Variants in TENM4 observed in about 807,000 individuals in gnomAD.
The protein encoded by TENM4 is teneurin-4.
Under a neutral mutation model 243.3 loss-of-function variants are expected in TENM4, and 82 were observed. The ratio of observed to expected loss-of-function variants is 0.34; its 90% CI spans 0.28 to 0.40. The LOEUF (loss-of-function observed/expected upper bound fraction) is 0.40. Ranked by LOEUF, TENM4 falls within the 10% of genes least tolerant of loss-of-function variation. TENM4 has a pLI of 1.00. For missense variants in TENM4, 3,138 were observed against 3,673.3 expected (o/e 0.85, Z 3.77); for synonymous variants, 1,412 against 1,456.3 (o/e 0.97, Z 0.69).
At chr11:78,913,826 T>G (rs1294872333) in intron 6 of TENM4, among the ~76,000 whole-genome samples, 1 of 152,180 alleles carries the variant, frequency 6.6e-6, no homozygotes, top group Non-Finnish European at 1.5e-5. Flanking sequence ...CAGTAGAGGC[T>G]GATCCTTCTC....
At chr11:79,037,460 G>A (rs1164218255) in intron 6 of TENM4, among the ~76,000 whole-genome samples, 1 of 152,188 alleles carries the variant, frequency 6.6e-6, no homozygotes, top group Non-Finnish European at 1.5e-5. Context: ...GAATGAAAGA[G>A]CCAGGATTTC....
chr11:79,379,495 G>C (rs1053422430), intron 1 of TENM4, among the ~76,000 whole-genome samples: 1 of 152,168 alleles, frequency 6.6e-6, no homozygotes, highest in African/African-American at 2.4e-5. Context: ...ACTGGATCAG[G>C]GTGGTCCAAT....
chr11:78,730,302 T>C (rs1183807078), intron 21 of TENM4, among the ~76,000 whole-genome samples: 2 of 152,220 alleles, frequency 1.3e-5, no homozygotes, highest in African/African-American at 4.8e-5. Flanking sequence ...CTCTCAAAAC[T>C]TTCCTCAAAT....
At chr11:78,732,190 C>CTGATGGGACCTGACCCAATGCATAAT in intron 21 of TENM4, 126 bp downstream of exon 21, 4 of 1,332,718 alleles carry the variant, frequency 3.0e-6, no homozygotes, top group Non-Finnish European at 4.0e-6. Context: ...TTTTGCATAA[C>CTGATGGGACCTGACCCAATGCATAAT]AGGCTGATGG....
intron 23 of TENM4, among the ~76,000 whole-genome samples, chr11:78,723,509 G>A (rs1001912199): frequency 2.6e-5 from 4 of 152,194 alleles, no homozygotes; most frequent in African/African-American, 4.8e-5. Flanking sequence ...GTCAAGAAGC[G>A]ACAGGCTTTT....
intron 3 of TENM4, among the ~76,000 whole-genome samples, chr11:79,176,836 A>T (rs1172282871): frequency 6.6e-6 from 1 of 152,244 alleles, no homozygotes; most frequent in African/African-American, 2.4e-5. Context: ...CACAGACCAA[A>T]GAATGCATCT....
At chr11:79,112,020 A>G (rs1313325231) in intron 4 of TENM4, among the ~76,000 whole-genome samples, 3 of 152,146 alleles carry the variant, frequency 2.0e-5, no homozygotes, top group Non-Finnish European at 4.4e-5. Flanking sequence ...GTGGGGGCAG[A>G]GAGAGGAAGG....
chr11:79,098,605 C>G (rs1861146068), intron 4 of TENM4, among the ~76,000 whole-genome samples: 2 of 152,200 alleles, frequency 1.3e-5, no homozygotes, highest in South Asian at 4.1e-4. Context: ...CTCATGCACA[C>G]CTGTACGGAA....
intron 6 of TENM4, among the ~76,000 whole-genome samples, chr11:78,966,757 C>T (rs758608090): frequency 1.3e-5 from 2 of 152,170 alleles, no homozygotes; most frequent in Non-Finnish European, 2.9e-5. Context: ...TGGTCTTCAG[C>T]AATCTGTCTC....
At position 78,732,364 on chromosome 11, in the gene TENM4, G is replaced by T; in HGVS notation, c.3090C>A (p.Ser1030=). 1 of 1,613,786 alleles carries T rather than the reference G, an allele frequency of 6.2e-7. No homozygotes were observed. The highest frequency in any genetic ancestry group is 8.5e-7 in the Non-Finnish European group (1 of 1,179,712). Reference sequence around the variant, plus strand: ...CTTTCTCTGCACAGGAGCTGGCGAAGGACGTCAGTGGGGATGGAGAGACGA... The same window carrying T: ...CTTTCTCTGCACAGGAGCTGGCGAATGACGTCAGTGGGGATGGAGAGACGA... ...NPVVSPSPLT[S]FASSCAEKGP... is the part of the protein sequence containing the mutation. The change falls in exon 21 of 34, where the codon TCC becomes TCA. Residue 1030 remains serine (S), a synonymous_variant. Transcript: ENST00000278550.
chr11:78,837,488 C>G (rs1858143713), intron 12 of TENM4, among the ~76,000 whole-genome samples: 1 of 152,204 alleles, frequency 6.6e-6, no homozygotes, highest in South Asian at 2.1e-4. Context: ...CCATCAGAAT[C>G]TTTGAAGCAC....
At chr11:79,065,769 G>A (rs1371129957) in intron 5 of TENM4, among the ~76,000 whole-genome samples, 1 of 152,216 alleles carries the variant, frequency 6.6e-6, no homozygotes, top group African/African-American at 2.4e-5. Context: ...GGCAGGCCTG[G>A]CAATGCCTAG....
intron 2 of TENM4, among the ~76,000 whole-genome samples, chr11:79,294,964 A>C (rs1456931776): frequency 6.6e-6 from 1 of 152,182 alleles, no homozygotes; most frequent in Non-Finnish European, 1.5e-5. Context: ...TGTAGACCAC[A>C]AACACTGGCT....
chr11:78,980,662 G>A (rs1273574011), intron 6 of TENM4, among the ~76,000 whole-genome samples: 4 of 152,148 alleles, frequency 2.6e-5, no homozygotes, highest in East Asian at 1.9e-4. Context: ...CTGAATCCTC[G>A]CTCCACCACT....
chr11:78,658,438 C>G lies in TENM4; in HGVS notation c.7930G>C (p.Gly2644Arg). 1 of 1,613,878 alleles carries G rather than the reference C, an allele frequency of 6.2e-7. No individual in the cohort carries two copies. The highest frequency in any genetic ancestry group is 8.5e-7 in the Non-Finnish European group (1 of 1,179,858). ...ATCTGGGACACAGTGACGTTGACCC[C>G]ATTCTCCAGGGTTCGCCGCCCCCCA... ...LSGGRRTLEN[G>R]VNVTVSQINT... is the part of the protein sequence containing the mutation. Residue 2644 changes from glycine (G) to arginine (R), a missense_variant, in exon 34 of 34, where the codon GGG becomes CGG. This residue lies in a region of TENM4 where 2,467 missense variants were observed against 3,059.1 expected (regional missense o/e 0.81). Transcript: ENST00000278550.
chr11:79,311,352 G>A (rs1410948377), intron 1 of TENM4, among the ~76,000 whole-genome samples: 1 of 152,186 alleles, frequency 6.6e-6, no homozygotes, highest in African/African-American at 2.4e-5. Flanking sequence ...AGGTCAGGTA[G>A]CTAGCACAGT....
At chr11:79,336,238 T>C (rs964881630) in intron 1 of TENM4, among the ~76,000 whole-genome samples, 8 of 152,216 alleles carry the variant, frequency 5.3e-5, no homozygotes, top group African/African-American at 1.9e-4. Context: ...CCAAATCATG[T>C]AGTCAGGGCA....
chr11:79,162,948 G>A (rs1862784287), intron 3 of TENM4, among the ~76,000 whole-genome samples: 1 of 152,224 alleles, frequency 6.6e-6, no homozygotes, highest in Admixed American at 6.5e-5. Flanking sequence ...CAGCTCTGAG[G>A]GAGCTATTTC....
At chr11:79,077,371 G>T (rs1334039585) in intron 4 of TENM4, among the ~76,000 whole-genome samples, 1 of 152,160 alleles carries the variant, frequency 6.6e-6, no homozygotes, top group Non-Finnish European at 1.5e-5. Context: ...ACATCTAAAT[G>T]AAAACCAAAG....
Sources: allele counts gnomAD v4.1 joint callset (sites outside exome capture counted in the v4.1 genomes callset), GRCh38; gene constraint gnomAD v4.1.1; regional missense constraint gnomAD v4.1.1; transcripts MANE v1.5; gene names NCBI Gene and HGNC (gene_info 2026-07-23, HGNC 2026-07-21).